The following LRP1B variants were observed in gnomAD, a reference collection of about 807,000 sequenced individuals.
The protein encoded by LRP1B is LDL receptor related protein 1B.
A neutral mutation model predicts 556.6 loss-of-function variants in LRP1B; 217 were observed. The observed-to-expected ratio is 0.39, with a 90% CI of 0.35 to 0.44. The LOEUF is 0.44. Among genes scored for constraint, LRP1B ranks in the 20% least tolerant of loss-of-function variants. LRP1B has a pLI of 1.00. For synonymous variants in LRP1B, 2,047 were observed against 1,865.8 expected, an observed-to-expected ratio of 1.10 and a Z score of -2.50; for missense variants, 5,053 against 5,620.8, an observed-to-expected ratio of 0.90 and a Z score of 3.23.
At chr2:141,112,070 A>ATAAT (rs1700769439) in intron 7 of LRP1B, among the ~76,000 whole-genome samples, 2 of 33,412 alleles carry the variant, frequency 6.0e-5, no homozygotes, top group Non-Finnish European at 1.6e-4. Context: ...AAATAAATAA[A>ATAAT]TAATAAATAA....
At chr2:141,878,135 G>T (rs997146832) in intron 1 of LRP1B, among the ~76,000 whole-genome samples, 14 of 151,828 alleles carry the variant, frequency 9.2e-5, no homozygotes, top group Non-Finnish European at 1.9e-4. Context: ...TTAAAACATA[G>T]AAAGACTTTT....
chr2:140,890,018 C>T (rs938530237), intron 23 of LRP1B, among the ~76,000 whole-genome samples: 3 of 151,650 alleles, frequency 2.0e-5, no homozygotes, highest in African/African-American at 4.8e-5. Context: ...TTAAAGGCCA[C>T]AAACAGAGGA....
intron 2 of LRP1B, among the ~76,000 whole-genome samples, chr2:141,662,967 A>T (rs545574703): frequency 8.6e-5 from 13 of 151,752 alleles, no homozygotes; most frequent in African/African-American, 1.7e-4. Flanking sequence ...AATAAATAAA[A>T]AAAAAGAAAT....
intron 7 of LRP1B, among the ~76,000 whole-genome samples, chr2:141,170,653 C>A (rs1299915080): frequency 6.6e-6 from 1 of 152,020 alleles, no homozygotes; most frequent in Non-Finnish European, 1.5e-5. Flanking sequence ...TTTCTTCTAT[C>A]CTTTTAAGGT....
At chr2:140,403,122 G>GA (rs965645820) in intron 66 of LRP1B, among the ~76,000 whole-genome samples, 81 of 151,468 alleles carry the variant, frequency 5.3e-4, no homozygotes, top group Admixed American at 1.1e-3. Flanking sequence ...AGAAAAGAAA[G>GA]AAAAAAAATG....
At chr2:140,264,682 A>C (rs953411148) in intron 86 of LRP1B, among the ~76,000 whole-genome samples, 1 of 758 alleles carries the variant, frequency 1.3e-3, no homozygotes, top group Non-Finnish European at 0.25. Context: ...TAAAATGACA[A>C]AAAAAAAAAT....
At position 140,273,675 on chromosome 2, in the gene LRP1B, G is replaced by A. The variant is rs183339016; in HGVS notation, c.13142+749C>T. On this transcript the variant is annotated intron_variant, in intron 85 of 90. Coordinates refer to ENST00000389484, the MANE Select transcript of LRP1B (RefSeq NM_018557.3). ...CTTATTTATTATACTCCCAAGCAAG[G>A]CAAGTGATAGAGTCCAGTTCTTTAT... is the stretch of plus-strand genomic sequence containing the variant. 1.1e-4 allele frequency among the ~76,000 whole-genome samples: 17 copies of A among 152,054 alleles called. No individual in the cohort carries two copies. In the East Asian group the frequency reaches 2.3e-3, roughly 21 times the overall value.
intron 86 of LRP1B, among the ~76,000 whole-genome samples, chr2:140,250,455 G>A (rs1047253130): frequency 6.6e-6 from 1 of 151,138 alleles, no homozygotes; most frequent in Non-Finnish European, 1.5e-5. Flanking sequence ...TGAAGGTACT[G>A]CTCTTAGCAG....
chr2:141,962,509 C>T (rs1443029368), intron 1 of LRP1B, among the ~76,000 whole-genome samples: 1 of 151,720 alleles, frequency 6.6e-6, no homozygotes, highest in Non-Finnish European at 1.5e-5. Flanking sequence ...TGCAAATATT[C>T]AACTACAACC....
At chr2:141,938,784 C>CTA (rs1700709842) in intron 1 of LRP1B, among the ~76,000 whole-genome samples, 1 of 151,846 alleles carries the variant, frequency 6.6e-6, no homozygotes, top group Non-Finnish European at 1.5e-5. Flanking sequence ...ATATGTGTAT[C>CTA]TATATATACA....
intron 83 of LRP1B, among the ~76,000 whole-genome samples, chr2:140,305,446 G>C (rs1012653582): frequency 6.6e-6 from 1 of 151,960 alleles, no homozygotes; most frequent in African/African-American, 2.4e-5. Flanking sequence ...CTCATGATTT[G>C]GCTCTCTGTC....
At position 140,240,139 on chromosome 2, in the gene LRP1B, A is replaced by C. The variant is rs186796669; in HGVS notation, c.13325-607T>G. ...CTTCAACTGTAAAACACAGAGAAGA[A>C]GACTTACCACAAAGGGCAGTTAGCT... On this transcript the variant is annotated intron_variant, in intron 87 of 90. Coordinates refer to ENST00000389484, the MANE Select transcript of LRP1B (RefSeq NM_018557.3). Among the ~76,000 whole-genome samples the C allele has an allele frequency of 4.8e-3, 727 of 151,054 alleles. 2 individuals carry two copies. The highest frequency in any genetic ancestry group is 7.8e-3 in the Non-Finnish European group (523 of 67,260).
intron 1 of LRP1B, among the ~76,000 whole-genome samples, chr2:142,121,377 T>G (rs142759139): frequency 2.0e-5 from 3 of 152,190 alleles, no homozygotes; most frequent in African/African-American, 7.2e-5. Flanking sequence ...CAATTTGATC[T>G]GCATGACCCT....
chr2:141,023,531 G>T (rs1392501605), intron 11 of LRP1B, among the ~76,000 whole-genome samples: 1 of 151,888 alleles, frequency 6.6e-6, no homozygotes, highest in African/African-American at 2.4e-5. Context: ...GAGTGGTTTT[G>T]GGAGAAAAAC....
rs542207233 is a variant in LRP1B, at chr2:140,285,256, T to A, written c.12968-10658A>T. On this transcript the variant is annotated intron_variant, in intron 84 of 90. Coordinates refer to ENST00000389484, the MANE Select transcript of LRP1B (RefSeq NM_018557.3). ...ATATGTATCTACACATATATATACA[T>A]AGAGAAATTTCTATATTGTGTGATA... Among the ~76,000 whole-genome samples, 27 of 150,892 alleles carry A rather than the reference T, an allele frequency of 1.8e-4. 1 individual carries two copies. The East Asian group carries it at 4.5e-3, about 25-fold the overall frequency.
chr2:141,271,583 A>G (rs1214994528), intron 3 of LRP1B, among the ~76,000 whole-genome samples: 1 of 151,906 alleles, frequency 6.6e-6, no homozygotes, highest in Non-Finnish European at 1.5e-5. Context: ...TGGATAATAT[A>G]TTCAAAGTGC....
chr2:140,614,864 T>C (rs1045557649), intron 41 of LRP1B, among the ~76,000 whole-genome samples: 1 of 152,184 alleles, frequency 6.6e-6, no homozygotes, highest in East Asian at 1.9e-4. Flanking sequence ...TTTGCAAATA[T>C]TATGACAGTG....
rs539328187 is a variant in LRP1B, at chr2:140,343,148, A to G, written c.11893-7310T>C. ...AAAATAAGACCCTTGGAAGAAGCAG[A>G]ATTTTGAATGTTTAATAAAACATGA... is the stretch of plus-strand genomic sequence containing the variant. On this transcript the variant is annotated intron_variant, in intron 77 of 90. Coordinates refer to ENST00000389484, the MANE Select transcript of LRP1B (RefSeq NM_018557.3). Among the ~76,000 whole-genome samples the G allele has an allele frequency of 4.6e-5, 7 of 151,732 alleles. No individual in the cohort carries two copies. The East Asian group carries it at 1.4e-3, about 30-fold the overall frequency.
intron 1 of LRP1B, among the ~76,000 whole-genome samples, chr2:141,996,018 C>T (rs1702479206): frequency 6.6e-6 from 1 of 151,992 alleles, no homozygotes; most frequent in African/African-American, 2.4e-5. Flanking sequence ...CTTTTGAAGG[C>T]CAAGGCGGGC....
Sources: allele counts gnomAD v4.1 joint callset (sites outside exome capture counted in the v4.1 genomes callset), GRCh38; gene constraint gnomAD v4.1.1; transcripts MANE v1.5; gene names NCBI Gene and HGNC (gene_info 2026-07-23, HGNC 2026-07-21).